The following NDUFS4 variants were observed in gnomAD, a reference collection of about 807,000 sequenced individuals.
The protein encoded by NDUFS4 is NADH dehydrogenase [ubiquinone] iron-sulfur protein 4, mitochondrial.
A neutral mutation model predicts 24.3 loss-of-function variants in NDUFS4; 28 were observed. The observed-to-expected ratio is 1.15, with a 90% CI of 0.85 to 1.58. NDUFS4 has a LOEUF of 1.58. NDUFS4 is among the 40% of genes most tolerant of loss of function. The pLI is 0.00. For synonymous variants in NDUFS4, 93 were observed against 69.7 expected (o/e 1.34, Z -1.67); for missense variants, 223 against 207.9 (o/e 1.07, Z -0.45).
At chr5:53,563,183 C>T (rs189270780) in intron 1 of NDUFS4, among the ~76,000 whole-genome samples, 289 of 148,844 alleles carry the variant, frequency 1.9e-3, no homozygotes, top group African/African-American at 6.5e-3. Context: ...GAGTCAAGAT[C>T]GCGCCACTGC....
chr5:53,599,392 A>G (rs865784496), intron 1 of NDUFS4, among the ~76,000 whole-genome samples: 2 of 152,122 alleles, frequency 1.3e-5, no homozygotes, highest in Non-Finnish European at 1.5e-5. Flanking sequence ...TAAGGGTACC[A>G]ATTTCTATAC....
At chr5:53,652,672 T>A (rs1752052541) in intron 3 of NDUFS4, among the ~76,000 whole-genome samples, 2 of 152,226 alleles carry the variant, frequency 1.3e-5, no homozygotes, top group Non-Finnish European at 2.9e-5. Flanking sequence ...TTTAAAGTAC[T>A]ATATTTACAT....
intron 2 of NDUFS4, among the ~76,000 whole-genome samples, chr5:53,619,172 T>C (rs1303510378): frequency 7.0e-6 from 1 of 142,660 alleles, no homozygotes; most frequent in East Asian, 2.1e-4. Flanking sequence ...CATAGACATA[T>C]CAAAAATCAC....
At chr5:53,662,641 G>A (rs1752379737) in intron 4 of NDUFS4, among the ~76,000 whole-genome samples, 1 of 151,914 alleles carries the variant, frequency 6.6e-6, no homozygotes, top group Non-Finnish European at 1.5e-5. Flanking sequence ...TTTTTTGGTT[G>A]GTAATCTATT....
chr5:53,666,788 G>C (rs972075460), intron 4 of NDUFS4, among the ~76,000 whole-genome samples: 1 of 151,986 alleles, frequency 6.6e-6, no homozygotes, highest in Admixed American at 6.6e-5. Flanking sequence ...ACACAAATTA[G>C]CTGGATGTGG....
intron 3 of NDUFS4, among the ~76,000 whole-genome samples, chr5:53,648,861 C>T (rs1751938833): frequency 6.6e-6 from 1 of 152,018 alleles, no homozygotes; most frequent in Non-Finnish European, 1.5e-5. Flanking sequence ...CTTACAAAAA[C>T]ACAATATCCC....
intron 2 of NDUFS4, among the ~76,000 whole-genome samples, chr5:53,614,706 C>T (rs912261731): frequency 1.3e-5 from 2 of 151,970 alleles, no homozygotes; most frequent in African/African-American, 4.8e-5. Context: ...TTGTGTGTCT[C>T]TTTTAAGCAG....
intron 3 of NDUFS4, among the ~76,000 whole-genome samples, chr5:53,648,794 T>C (rs1483220114): frequency 1.3e-5 from 2 of 152,196 alleles, no homozygotes; most frequent in East Asian, 3.8e-4. Flanking sequence ...AAGTGGAAGA[T>C]GCTGAGGATT....
At chr5:53,654,446 G>A (rs758993807) in intron 3 of NDUFS4, among the ~76,000 whole-genome samples, 2 of 151,150 alleles carry the variant, frequency 1.3e-5, no homozygotes, top group Admixed American at 6.6e-5. Context: ...ATTTTTTTTT[G>A]CTCAGCTATT....
intron 1 of NDUFS4, among the ~76,000 whole-genome samples, chr5:53,567,129 G>A (rs902941133): frequency 2.6e-5 from 4 of 152,160 alleles, no homozygotes; most frequent in African/African-American, 9.7e-5. Context: ...AATTACAGGC[G>A]TGAGCCACTG....
intron 2 of NDUFS4, among the ~76,000 whole-genome samples, chr5:53,618,124 T>C (rs1375620524): frequency 2.0e-5 from 3 of 151,816 alleles, no homozygotes; most frequent in South Asian, 4.2e-4. Flanking sequence ...AAAAAAAAAT[T>C]AGCCGAGGGT....
intron 2 of NDUFS4, among the ~76,000 whole-genome samples, chr5:53,609,990 T>C (rs1449560508): frequency 6.6e-6 from 1 of 152,220 alleles, no homozygotes. Context: ...CTCTTTAGCC[T>C]TCTTATCATT....
In NDUFS4 at chr5:53,655,687, A is replaced by G. The variant is rs867358793; in HGVS notation, c.351-2864A>G. On this transcript the variant is annotated intron_variant, in intron 3 of 4. Coordinates refer to ENST00000296684, the MANE Select transcript of NDUFS4 (RefSeq NM_002495.4). ...CCCTTATGTTTCTCAAGTTAATGACAGTAGCAACTTGATAAGTTTTGTTCC... is the reference window on the plus strand; with the variant it reads ...CCCTTATGTTTCTCAAGTTAATGACGGTAGCAACTTGATAAGTTTTGTTCC... 4.6e-5 allele frequency among the ~76,000 whole-genome samples: 7 copies of G among 152,322 alleles called. 1 individual carries two copies. The highest frequency in any genetic ancestry group is 3.4e-3 in the Middle Eastern group (1 of 294).
At chr5:53,606,138 G>A (rs1343042479) in intron 2 of NDUFS4, among the ~76,000 whole-genome samples, 1 of 151,504 alleles carries the variant, frequency 6.6e-6, no homozygotes, top group Non-Finnish European at 1.5e-5. Flanking sequence ...GAGTGGAGAT[G>A]GCGCCACTGC....
chr5:53,586,667 C>A (rs575294337), intron 1 of NDUFS4, among the ~76,000 whole-genome samples: 5 of 152,072 alleles, frequency 3.3e-5, no homozygotes, highest in African/African-American at 1.2e-4. Flanking sequence ...GGACTACTTG[C>A]GTCCACCACC....
intron 2 of NDUFS4, among the ~76,000 whole-genome samples, chr5:53,632,589 C>G (rs927807091): frequency 1.6e-4 from 24 of 152,098 alleles, no homozygotes; most frequent in African/African-American, 4.1e-4. Context: ...ACCTTTTCTG[C>G]TCTGTGAGAT....
intron 4 of NDUFS4, among the ~76,000 whole-genome samples, chr5:53,663,210 T>G (rs1229265116): frequency 6.6e-6 from 1 of 152,236 alleles, no homozygotes; most frequent in Non-Finnish European, 1.5e-5. Flanking sequence ...TTGTTATAAT[T>G]TCTGTTCTTT....
chr5:53,630,216 C>T (rs1751368246), intron 2 of NDUFS4, among the ~76,000 whole-genome samples: 1 of 152,226 alleles, frequency 6.6e-6, no homozygotes, highest in Admixed American at 6.5e-5. Context: ...CCCCTACTCT[C>T]TTCTGGCTTG....
chr5:53,599,378 C>T (rs1750241252), intron 1 of NDUFS4, among the ~76,000 whole-genome samples: 1 of 152,090 alleles, frequency 6.6e-6, no homozygotes, highest in South Asian at 2.1e-4. Context: ...ATTTTACATT[C>T]CCATAAGGGT....
Sources: gnomAD v4.1 joint callset for allele counts (sites outside exome capture counted in the v4.1 genomes callset) on GRCh38, gnomAD v4.1.1 for gene constraint, MANE v1.5 for transcripts, NCBI Gene and HGNC (gene_info 2026-07-23, HGNC 2026-07-21) for gene names.